GDAP1: variants seen among roughly 807,000 people sequenced by gnomAD.
GDAP1 encodes ganglioside-induced differentiation-associated protein 1.
In GDAP1, 34 loss-of-function variants were observed where a neutral mutation model predicts 40.1. The ratio of observed to expected loss-of-function variants is 0.85; its 90% CI spans 0.64 to 1.13. The LOEUF is 1.13. Ranked by LOEUF, GDAP1 falls within the 50% of genes most tolerant of loss-of-function variation. The pLI, the probability that GDAP1 is intolerant of heterozygous loss-of-function variation, is 0.00. For missense variants in GDAP1, 374 were observed against 433.7 expected (o/e 0.86, Z 1.22); for synonymous variants, 170 against 157.4 (o/e 1.08, Z -0.60).
At chr8:74,437,456 ATTAAT>A (rs1182940234) in intron 2 of GDAP1, among the ~76,000 whole-genome samples, 2 of 152,156 alleles carry the variant, frequency 1.3e-5, no homozygotes, top group South Asian at 2.1e-4. Context: ...TTAAATTCAT[ATTAAT>A]TTATTATTTA....
chr8:74,450,670 T>C (rs1347616779), intron 2 of GDAP1, among the ~76,000 whole-genome samples: 1 of 86,680 alleles, frequency 1.2e-5, no homozygotes, highest in East Asian at 3.4e-4. Flanking sequence ...ACTTATGTGA[T>C]TTTATCTGTA....
intron 2 of GDAP1, among the ~76,000 whole-genome samples, chr8:74,437,597 T>C (rs1036928087): frequency 2.6e-5 from 4 of 152,134 alleles, no homozygotes; most frequent in Admixed American, 2.0e-4. Context: ...TTTTTATTAG[T>C]TCTGGTATGT....
At chr8:74,373,752 T>G (rs1809796516) in intron 2 of GDAP1, among the ~76,000 whole-genome samples, 1 of 152,216 alleles carries the variant, frequency 6.6e-6, no homozygotes, top group Non-Finnish European at 1.5e-5. Flanking sequence ...CTTTGTTTCT[T>G]TCTCCTGCCT....
chr8:74,397,417 G>A (rs368321930), intron 2 of GDAP1, among the ~76,000 whole-genome samples: 19 of 152,084 alleles, frequency 1.2e-4, no homozygotes, highest in African/African-American at 3.6e-4. Flanking sequence ...TGTTTTAGTC[G>A]TGAAGTCCTT....
At chr8:74,437,019 A>G (rs938812470) in intron 2 of GDAP1, among the ~76,000 whole-genome samples, 7 of 152,214 alleles carry the variant, frequency 4.6e-5, no homozygotes, top group African/African-American at 1.2e-4. Flanking sequence ...CAAGGTAGAT[A>G]TGGCTGGAAA....
rs73347267 is a variant in GDAP1 at position 74,382,824 on chromosome 8, G to A, written c.165+31503G>A. Among the ~76,000 whole-genome samples, 522 of 151,948 alleles carry A rather than the reference G, an allele frequency of 3.4e-3. 4 individuals carry two copies. The highest frequency in any genetic ancestry group is 0.012 in the African/African-American group (491 of 41,476). The stretch of plus-strand genomic sequence containing the variant: ...TCAGCTTGGAATTTTGAACTATTCA[G>A]GTGGATAATTTTTGGATTACTAATT... On this transcript the variant is annotated intron_variant, in intron 2 of 2. Transcript: ENST00000523640.
intron 2 of GDAP1, among the ~76,000 whole-genome samples, chr8:74,431,129 T>A (rs973618203): frequency 1.3e-5 from 2 of 148,888 alleles, no homozygotes; most frequent in Non-Finnish European, 3.0e-5. Flanking sequence ...TCCTGTAGTT[T>A]TTCCTACAGT....
intron 2 of GDAP1, among the ~76,000 whole-genome samples, chr8:74,479,330 T>A (rs1444882310): frequency 1.3e-5 from 2 of 152,184 alleles, no homozygotes; most frequent in African/African-American, 4.8e-5. Context: ...ATTAATCAAG[T>A]CTACTTTATA....
At chr8:74,416,459 C>T (rs1302746706) in intron 2 of GDAP1, among the ~76,000 whole-genome samples, 3 of 150,250 alleles carry the variant, frequency 2.0e-5, no homozygotes, top group Non-Finnish European at 4.4e-5. Flanking sequence ...TGAAGCTGAA[C>T]CTCAGCTATC....
chr8:74,352,965 C>A (rs1808948448), intron 2 of GDAP1, among the ~76,000 whole-genome samples: 2 of 152,180 alleles, frequency 1.3e-5, no homozygotes, highest in African/African-American at 2.4e-5. Flanking sequence ...CTACTATCAT[C>A]ATTCCCCTCC....
chr8:74,481,335 GA>G, intron 2 of GDAP1, among the ~76,000 whole-genome samples: 1 of 152,306 alleles, frequency 6.6e-6, no homozygotes, highest in East Asian at 1.9e-4. Context: ...ATGGCACTTG[GA>G]ATAGCTGCAG....
intron 2 of GDAP1, among the ~76,000 whole-genome samples, chr8:74,391,848 C>T (rs1363399241): frequency 5.3e-5 from 8 of 151,976 alleles, no homozygotes; most frequent in African/African-American, 9.6e-5. Context: ...GGCAGAATTT[C>T]GCTCTTGTTG....
chr8:74,359,725 G>A (rs1449674963), intron 2 of GDAP1, among the ~76,000 whole-genome samples: 3 of 152,294 alleles, frequency 2.0e-5, no homozygotes, highest in African/African-American at 7.2e-5. Context: ...ACAGTCATGG[G>A]GAAAAAAGAT....
intron 2 of GDAP1, among the ~76,000 whole-genome samples, chr8:74,440,504 T>C (rs946715600): frequency 6.6e-6 from 1 of 152,144 alleles, no homozygotes; most frequent in Non-Finnish European, 1.5e-5. Flanking sequence ...TCTAAGTGTA[T>C]GTTTCTTGTG....
chr8:74,464,567 T>A (rs1161099051), intron 2 of GDAP1, among the ~76,000 whole-genome samples: 3 of 152,212 alleles, frequency 2.0e-5, no homozygotes, highest in African/African-American at 7.2e-5. Flanking sequence ...CATATGGTTG[T>A]CCCTGCGTCC....
At chr8:74,481,676 G>T (rs1806712444) in intron 2 of GDAP1, among the ~76,000 whole-genome samples, 1 of 152,052 alleles carries the variant, frequency 6.6e-6, no homozygotes, top group Non-Finnish European at 1.5e-5. Flanking sequence ...GTTCAGATTT[G>T]CTCATTACTC....
intron 2 of GDAP1, among the ~76,000 whole-genome samples, chr8:74,471,294 T>C (rs1806551041): frequency 6.6e-6 from 1 of 152,140 alleles, no homozygotes; most frequent in South Asian, 2.1e-4. Flanking sequence ...GCCATTGCTT[T>C]TGGTGTTTGC....
At chr8:74,408,383 C>A (rs1474037760) in intron 2 of GDAP1, among the ~76,000 whole-genome samples, 2 of 150,108 alleles carry the variant, frequency 1.3e-5, no homozygotes, top group African/African-American at 2.5e-5. Flanking sequence ...CTATTGAAAA[C>A]TAATCCCCAG....
intron 2 of GDAP1, among the ~76,000 whole-genome samples, chr8:74,374,171 G>A (rs1809808041): frequency 1.3e-5 from 2 of 152,158 alleles, no homozygotes; most frequent in Non-Finnish European, 2.9e-5. Flanking sequence ...GTATTGTATT[G>A]AGGATTTTTA....
Sources: gnomAD v4.1 joint callset for allele counts (sites outside exome capture counted in the v4.1 genomes callset) on GRCh38, gnomAD v4.1.1 for gene constraint, MANE v1.5 for transcripts, NCBI Gene and HGNC (gene_info 2026-07-23, HGNC 2026-07-21) for gene names.